Variants in WDR20 observed in about 807,000 individuals in gnomAD.
WDR20 encodes WD repeat domain 20.
In WDR20, 3 loss-of-function variants were observed where a neutral mutation model predicts 38.7. The ratio of observed to expected loss-of-function variants is 0.08; its 90% CI spans 0.04 to 0.20. WDR20 has a LOEUF of 0.20. Among genes scored for constraint, WDR20 ranks in the 10% least tolerant of loss-of-function variants. The pLI, the probability that WDR20 is intolerant of heterozygous loss-of-function variation, is 1.00. For missense variants in WDR20, 559 were observed against 727.7 expected, an observed-to-expected ratio of 0.77 and a Z score of 2.67; for synonymous variants, 298 against 285.6, an observed-to-expected ratio of 1.04 and a Z score of -0.44.
chr14:102,222,857 A>G lies in WDR20; in HGVS notation c.1720A>G (p.Ser574Gly). Residue 574 changes from serine (S) to glycine (G), a missense_variant, in exon 4 of 4, where the codon AGT becomes GGT. Ser to Gly is a moderately conservative substitution (Grantham distance 56). Transcript: ENST00000335263. This position sits in a 1 kb window ranked among gnomAD's most constrained non-coding sequence, Gnocchi z 4.4. Reference sequence around the variant, plus strand: ...CTCATTGTCATCCCCAAGCCAGGCCAGTTCTCCAGGTGGAACTGTAGTGTA... The same window carrying G: ...CTCATTGTCATCCCCAAGCCAGGCCGGTTCTCCAGGTGGAACTGTAGTGTA... The G allele has an allele frequency of 6.2e-7, 1 of 1,614,204 alleles. No homozygotes were observed. Among genetic ancestry groups the G allele is most frequent in the Non-Finnish European group, 8.5e-7 (1 of 1,180,026 alleles).
At chr14:102,213,760 C>G (rs1164169494), downstream of WDR20, 3 of 985,282 alleles carry the variant, frequency 3.0e-6, no homozygotes, top group African/African-American at 5.2e-5. Context: ...CATACAAGGT[C>G]CTCATCACCT....
intron 1 of WDR20, chr14:102,193,642 C>G (rs2058922351): frequency 2.4e-6 from 2 of 817,740 alleles, no homozygotes; most frequent in African/African-American, 3.5e-5. Context: ...TCAAAGACGC[C>G]TGTAATTTTG....
chr14:102,176,925 A>G (rs1274252691), intron 1 of WDR20, among the ~76,000 whole-genome samples: 3 of 151,990 alleles, frequency 2.0e-5, no homozygotes, highest in African/African-American at 7.2e-5. Flanking sequence ...TTTTTTTAGT[A>G]GAGATTGGGT....
At chr14:102,194,469 A>G (rs2152944542) in intron 1 of WDR20, among the ~76,000 whole-genome samples, 1 of 152,238 alleles carries the variant, frequency 6.6e-6, no homozygotes, top group East Asian at 1.9e-4. Flanking sequence ...AAGTTCCCAC[A>G]TGCTGCTGCT....
chr14:102,152,747 T>G (rs2056356642), intron 1 of WDR20, among the ~76,000 whole-genome samples: 1 of 152,148 alleles, frequency 6.6e-6, no homozygotes, highest in Non-Finnish European at 1.5e-5. Flanking sequence ...CAAATAATCT[T>G]ATAAAGTAGA....
chr14:102,167,140 A>G (rs773177432), intron 1 of WDR20, among the ~76,000 whole-genome samples: 13 of 152,280 alleles, frequency 8.5e-5, no homozygotes, highest in South Asian at 2.1e-4. Flanking sequence ...CCTTCATTAT[A>G]TCTTTCTGAC....
At chr14:102,143,262 C>T (rs544383878) in intron 1 of WDR20, among the ~76,000 whole-genome samples, 1 of 152,176 alleles carries the variant, frequency 6.6e-6, no homozygotes, top group Non-Finnish European at 1.5e-5. Flanking sequence ...GAATCTACCC[C>T]GGCATTTTGC....
chr14:102,196,686 C>T (rs1490607291), intron 2 of WDR20, among the ~76,000 whole-genome samples: 2 of 152,100 alleles, frequency 1.3e-5, no homozygotes, highest in East Asian at 3.9e-4. Context: ...GACCACACGT[C>T]CCCAGAATCT....
chr14:102,199,256 AC>A (rs1357765160), intron 2 of WDR20, among the ~76,000 whole-genome samples: 7 of 151,628 alleles, frequency 4.6e-5, no homozygotes, highest in Non-Finnish European at 1.0e-4. Flanking sequence ...TGGGAACAGC[AC>A]CCACCTGAGA....
intron 2 of WDR20, 24 bp downstream of exon 2, chr14:102,195,144 G>T (rs975309583): frequency 2.2e-5 from 35 of 1,610,554 alleles, no homozygotes; most frequent in Non-Finnish European, 2.9e-5. Context: ...TGTCTTAGCT[G>T]TTAAGAATCC....
At position 102,208,595 on chromosome 14, in the gene WDR20, C is replaced by T. The variant is rs1188080995; in HGVS notation, c.433-8C>T. 1.3e-6 allele frequency: 2 copies of T among 1,591,962 alleles called. No individual in the cohort carries two copies. Among genetic ancestry groups the T allele is most frequent in the South Asian group, 1.1e-5 (1 of 89,204 alleles). Reference sequence around the variant, plus strand: ...GTTGTGCTAACTTGTTCTCCTTTGTCTTCACAGAGACTAATAGACAAGTCA... The same window carrying T: ...GTTGTGCTAACTTGTTCTCCTTTGTTTTCACAGAGACTAATAGACAAGTCA... On this transcript the variant is annotated splice_polypyrimidine_tract_variant and splice_region_variant and intron_variant, in intron 2 of 2. Coordinates refer to ENST00000342702, the MANE Select transcript of WDR20 (RefSeq NM_144574.4). The surrounding 1 kb of genome is among the most constrained non-coding windows in gnomAD (Gnocchi z 5.6).
At chr14:102,164,990 G>A (rs1398474220) in intron 1 of WDR20, among the ~76,000 whole-genome samples, 2 of 152,206 alleles carry the variant, frequency 1.3e-5, no homozygotes, top group Non-Finnish European at 2.9e-5. Context: ...AAACTTCTAC[G>A]ACATATGCTC....
At chr14:102,196,946 T>C (rs1386047271) in intron 2 of WDR20, among the ~76,000 whole-genome samples, 2 of 152,346 alleles carry the variant, frequency 1.3e-5, no homozygotes, top group African/African-American at 2.4e-5. Context: ...CCTCTGGCCA[T>C]GTGGATACAT....
chr14:102,160,040 G>A (rs1476528392), intron 1 of WDR20, among the ~76,000 whole-genome samples: 1 of 152,088 alleles, frequency 6.6e-6, no homozygotes, highest in African/African-American at 2.4e-5. Context: ...GGAATTCAAC[G>A]CTTCAGTGAG....
At chr14:102,143,679 G>A (rs2052372149) in intron 1 of WDR20, among the ~76,000 whole-genome samples, 1 of 151,824 alleles carries the variant, frequency 6.6e-6, no homozygotes, top group Admixed American at 6.6e-5. Flanking sequence ...CGAGCAGCTG[G>A]GACTACAGGT....
chr14:102,141,193 C>T (rs1175751802), intron 1 of WDR20, among the ~76,000 whole-genome samples: 1 of 152,112 alleles, frequency 6.6e-6, no homozygotes, highest in Non-Finnish European at 1.5e-5. Context: ...ATTAATGCAT[C>T]CCACAGCACC....
chr14:102,201,125 C>T (rs1340602560), intron 2 of WDR20, among the ~76,000 whole-genome samples: 1 of 152,198 alleles, frequency 6.6e-6, no homozygotes, highest in Non-Finnish European at 1.5e-5. Flanking sequence ...ACATCCGATC[C>T]CATCTTAATG....
downstream of WDR20, chr14:102,213,882 G>A (rs186950879): frequency 1.0e-4 from 101 of 985,432 alleles, no homozygotes; most frequent in African/African-American, 1.2e-3. Context: ...AAACCCAAGC[G>A]CCACATCATG....
Position 102,145,152 on chromosome 14 carries a change from G to A in WDR20, c.249+4980G>A, listed in dbSNP as rs1189217521. On this transcript the variant is annotated intron_variant, in intron 1 of 2. Coordinates refer to ENST00000342702, the MANE Select transcript of WDR20 (RefSeq NM_144574.4). ...CAGTGCAGTGTCCAGTTTAGAGTTA[G>A]GCCCTTGCTGTGTACTTGTTGAGTG... Among the ~76,000 whole-genome samples the A allele has an allele frequency of 2.0e-5, 3 of 152,300 alleles. 1 individual carries two copies. Among genetic ancestry groups the A allele is most frequent in the Middle Eastern group, 6.8e-3 (2 of 294 alleles).
Sources: allele counts gnomAD v4.1 joint callset (sites outside exome capture counted in the v4.1 genomes callset), GRCh38; gene constraint gnomAD v4.1.1; non-coding constraint Gnocchi (gnomAD v3.1); transcripts MANE v1.5; gene names NCBI Gene and HGNC (gene_info 2026-07-23, HGNC 2026-07-21).